The following NEBL variants were observed in gnomAD, a reference collection of about 807,000 sequenced individuals.
NEBL encodes the protein LIM and SH3 protein 2.
In NEBL, 122 loss-of-function variants were observed where a neutral mutation model predicts 140.2. That is an observed-to-expected ratio of 0.87 (90% CI 0.75 to 1.01). The LOEUF (loss-of-function observed/expected upper bound fraction) is 1.01, where lower values mean the gene tolerates loss of function less well. Ranked by LOEUF, NEBL falls within the 50% of genes least tolerant of loss-of-function variation. The probability of loss-of-function intolerance (pLI) is 0.00; values close to 1 mark genes in which losing one functional copy is unlikely to be tolerated. For missense variants in NEBL, 1,365 were observed against 1,231.3 expected (o/e 1.11, Z -1.62); for synonymous variants, 436 against 398.9 (o/e 1.09, Z -1.11).
intron 27 of NEBL, 68 bp downstream of exon 27, chr10:20,787,134 A>G (rs777591458): frequency 6.0e-5 from 68 of 1,138,988 alleles, no homozygotes; most frequent in Non-Finnish European, 8.8e-5. Flanking sequence ...TCTATTCCAC[A>G]TGTATTTACA....
At chr10:20,930,987 C>T (rs1401089407) in intron 4 of NEBL, among the ~76,000 whole-genome samples, 2 of 152,192 alleles carry the variant, frequency 1.3e-5, no homozygotes, top group African/African-American at 2.4e-5. Context: ...TGTACCTTTA[C>T]TCCAGTCAAT....
At chr10:21,248,060 C>T (rs11592353) in intron 2 of NEBL, 8,526 of 228,634 alleles carry the variant, frequency 0.037, 276 homozygotes, top group South Asian at 0.11. Flanking sequence ...CAAGTCTGGA[C>T]GGCACCCTTT....
intron 2 of NEBL, among the ~76,000 whole-genome samples, chr10:21,116,838 T>C (rs1346713539): frequency 6.6e-6 from 1 of 151,852 alleles, no homozygotes; most frequent in Admixed American, 6.6e-5. Context: ...CCCAGCAACT[T>C]TTTAAATTGT....
At chr10:20,899,645 A>G (rs1847763284), upstream of NEBL, 1 of 317,524 alleles carries the variant, frequency 3.1e-6, no homozygotes, top group African/African-American at 2.2e-5. Flanking sequence ...ATGAAAAATT[A>G]TGTGTCTCAT....
chr10:21,220,393 A>G (rs1051388875), intron 3 of NEBL, among the ~76,000 whole-genome samples: 20 of 152,242 alleles, frequency 1.3e-4, no homozygotes, highest in African/African-American at 4.8e-4. Flanking sequence ...AACATACAAT[A>G]GGGAAAGGAC....
chr10:21,201,988 C>T (rs899718971), intron 3 of NEBL, among the ~76,000 whole-genome samples: 1 of 152,180 alleles, frequency 6.6e-6, no homozygotes, highest in Non-Finnish European at 1.5e-5. Flanking sequence ...TTTTCTTCCT[C>T]TCTTGGCATC....
intron 4 of NEBL, among the ~76,000 whole-genome samples, chr10:20,937,410 C>T (rs1834549081): frequency 6.6e-6 from 1 of 152,152 alleles, no homozygotes. Context: ...GATTGAGGTA[C>T]AATGTTCAGC....
chr10:21,178,535 A>G (rs1841337924), upstream of NEBL, among the ~76,000 whole-genome samples: 1 of 152,236 alleles, frequency 6.6e-6, no homozygotes, highest in East Asian at 1.9e-4. Flanking sequence ...TGGAGCTACC[A>G]TATTTCCTCT....
chr10:20,834,951 G>GA (rs1486912165), intron 14 of NEBL, among the ~76,000 whole-genome samples: 1 of 152,136 alleles, frequency 6.6e-6, no homozygotes, highest in African/African-American at 2.4e-5. Context: ...ATCCCATGAA[G>GA]AAAAAACTGG....
At chr10:20,960,643 G>A (rs542945499) in intron 4 of NEBL, among the ~76,000 whole-genome samples, 71 of 151,854 alleles carry the variant, frequency 4.7e-4, no homozygotes, top group Non-Finnish European at 8.8e-4. Context: ...TTATATGTGT[G>A]TATATGTGTG....
At chr10:20,992,926 C>T (rs938632275) in intron 3 of NEBL, among the ~76,000 whole-genome samples, 20 of 151,464 alleles carry the variant, frequency 1.3e-4, no homozygotes, top group African/African-American at 2.7e-4. Flanking sequence ...TACAGGCGCC[C>T]GCCACCACAC....
At chr10:20,978,951 A>C (rs906910906) in intron 3 of NEBL, among the ~76,000 whole-genome samples, 3 of 152,220 alleles carry the variant, frequency 2.0e-5, no homozygotes, top group Non-Finnish European at 4.4e-5. Context: ...ATAAGACAGC[A>C]TACAGTCATA....
intron 3 of NEBL, among the ~76,000 whole-genome samples, chr10:21,193,638 T>C (rs934158090): frequency 1.3e-5 from 2 of 152,182 alleles, no homozygotes; most frequent in African/African-American, 4.8e-5. Context: ...AAGGTATGAA[T>C]TCCACAACCT....
At chr10:21,144,691 CA>C (rs1839808560) in intron 2 of NEBL, among the ~76,000 whole-genome samples, 1 of 151,980 alleles carries the variant, frequency 6.6e-6, no homozygotes, top group African/African-American at 2.4e-5. Context: ...CATGTCACTG[CA>C]CTCCAGCCTG....
intron 19 of NEBL, among the ~76,000 whole-genome samples, chr10:20,822,625 G>C (rs1008577894): frequency 6.7e-6 from 1 of 150,174 alleles, no homozygotes; most frequent in African/African-American, 2.5e-5. Flanking sequence ...AGACTATATA[G>C]AGATATACAG....
chr10:20,939,133 C>A (rs555662255), intron 4 of NEBL, among the ~76,000 whole-genome samples: 1 of 152,152 alleles, frequency 6.6e-6, no homozygotes, highest in Non-Finnish European at 1.5e-5. Flanking sequence ...AGACACATAA[C>A]TGTCAGATTC....
In NEBL at chr10:20,840,773, T is replaced by C. The variant is rs768329642; in HGVS notation, c.1304A>G (p.Gln435Arg). 2 of 1,611,910 alleles carry C rather than the reference T, an allele frequency of 1.2e-6. No homozygotes were observed. Among genetic ancestry groups the C allele is most frequent in the Non-Finnish European group, 1.7e-6 (2 of 1,178,560 alleles). ...MELNSEVLDI[Q>R]RAKRASEMAS... ...CATTTCAGAGGCTCGCTTTGCTCTT[T>C]GGATATCAAGAACTTCTGAATTAAG... The change falls in exon 13 of 28, where the codon CAA becomes CGA. Residue 435 changes from glutamine (Q) to arginine (R), a missense_variant. Transcript: ENST00000377122.
intron 2 of NEBL, among the ~76,000 whole-genome samples, chr10:21,151,292 G>A (rs956867171): frequency 4.6e-5 from 7 of 152,090 alleles, no homozygotes; most frequent in East Asian, 1.9e-4. Flanking sequence ...ATCCTCCTGC[G>A]TCACCACTCA....
intron 3 of NEBL, among the ~76,000 whole-genome samples, chr10:21,218,467 A>G (rs11012583): frequency 0.16 from 21,259 of 129,364 alleles, 2,025 homozygotes; most frequent in East Asian, 0.46. Context: ...TCATAAGATA[A>G]AATTTTTTTA....
Sources: allele counts gnomAD v4.1 joint callset (sites outside exome capture counted in the v4.1 genomes callset), GRCh38; gene constraint gnomAD v4.1.1; transcripts MANE v1.5; gene names NCBI Gene and HGNC (gene_info 2026-07-23, HGNC 2026-07-21).